Variants in RDX observed in about 807,000 individuals in gnomAD.
RDX encodes the protein radixin.
In RDX, 32 loss-of-function variants were observed where a neutral mutation model predicts 83.7. The ratio of observed to expected loss-of-function variants is 0.38; its 90% CI spans 0.29 to 0.51. The LOEUF (loss-of-function observed/expected upper bound fraction) is 0.51, where lower values mean the gene tolerates loss of function less well. Among genes scored for constraint, RDX ranks in the 20% least tolerant of loss-of-function variants. The pLI, the probability that RDX is intolerant of heterozygous loss-of-function variation, is 0.87. For synonymous variants in RDX, 229 were observed against 222.7 expected (o/e 1.03, Z -0.25); for missense variants, 600 against 689.9 (o/e 0.87, Z 1.46).
intron 14 of RDX, among the ~76,000 whole-genome samples, chr11:110,207,763 C>T (rs535830207): frequency 1.3e-5 from 2 of 152,284 alleles, no homozygotes; most frequent in East Asian, 3.9e-4. Context: ...ACTACAACAG[C>T]AGAGTTGTAT....
Position 110,290,633 on chromosome 11 carries a change from G to C in RDX, c.-65+5834C>G, listed in dbSNP as rs536087086. Reference sequence around the variant, plus strand: ...CATTCTCAAATGCAAAGAGTATGTGGCATATAATAACTGTCCAAATGTACG... The same window carrying C: ...CATTCTCAAATGCAAAGAGTATGTGCCATATAATAACTGTCCAAATGTACG... On this transcript the variant is annotated intron_variant, in intron 1 of 13. Coordinates refer to ENST00000645495, the MANE Select transcript of RDX (RefSeq NM_002906.4). Among the ~76,000 whole-genome samples, 3 of 152,278 alleles carry C rather than the reference G, an allele frequency of 2.0e-5. No individual in the cohort carries two copies. In the East Asian group the frequency reaches 5.8e-4, roughly 29 times the overall value.
At chr11:110,244,890 G>A (rs1420610682) in intron 10 of RDX, among the ~76,000 whole-genome samples, 1 of 152,036 alleles carries the variant, frequency 6.6e-6, no homozygotes, top group East Asian at 1.9e-4. Flanking sequence ...GGGCACTTAT[G>A]GGAGTAAATT....
At chr11:110,288,866 CTTTT>C (rs1211832635) in intron 1 of RDX, among the ~76,000 whole-genome samples, 1 of 152,046 alleles carries the variant, frequency 6.6e-6, no homozygotes, top group Non-Finnish European at 1.5e-5. Context: ...AGTTTCCTCT[CTTTT>C]TTTATGTTGT....
At chr11:110,261,432 G>A (rs185496808) in intron 5 of RDX, among the ~76,000 whole-genome samples, 1 of 152,018 alleles carries the variant, frequency 6.6e-6, no homozygotes. Flanking sequence ...TGCTCATCTG[G>A]GTTTTTCAAT....
chr11:110,195,794 T>C (rs561005117), intron 15 of RDX: 4 of 152,284 alleles, frequency 2.6e-5, no homozygotes, highest in Non-Finnish European at 4.4e-5. Context: ...AAGCTAGTCA[T>C]GCAGAAAAAA....
intron 14 of RDX, among the ~76,000 whole-genome samples, chr11:110,202,011 C>T (rs1230993633): frequency 2.6e-5 from 4 of 151,670 alleles, no homozygotes; most frequent in South Asian, 2.1e-4. Flanking sequence ...AAACTCCTGA[C>T]TTAGGTAATC....
At chr11:110,212,766 C>T (rs1434622283) in intron 14 of RDX, among the ~76,000 whole-genome samples, 16 of 137,720 alleles carry the variant, frequency 1.2e-4, no homozygotes, top group Non-Finnish European at 3.1e-5. Flanking sequence ...GCAGAAAAAG[C>T]CTTTGACAAA....
chr11:110,246,981 A>G (rs1396424621), intron 10 of RDX, among the ~76,000 whole-genome samples: 1 of 152,090 alleles, frequency 6.6e-6, no homozygotes, highest in African/African-American at 2.4e-5. Flanking sequence ...TACCCCTGAG[A>G]GCCTGCTGCT....
intron 15 of RDX, among the ~76,000 whole-genome samples, chr11:110,188,439 A>G (rs544957071): frequency 9.2e-5 from 14 of 152,260 alleles, no homozygotes; most frequent in South Asian, 4.1e-4. Flanking sequence ...GTTCTCACTT[A>G]TAAGTGGGAG....
At chr11:110,253,592 G>A (rs1859424371) in intron 9 of RDX, among the ~76,000 whole-genome samples, 1 of 152,090 alleles carries the variant, frequency 6.6e-6, no homozygotes, top group African/African-American at 2.4e-5. Flanking sequence ...CACTGACATT[G>A]TTTCAAAGTT....
At chr11:110,243,135 GCTTA>G (rs1281783637) in intron 10 of RDX, among the ~76,000 whole-genome samples, 7 of 152,064 alleles carry the variant, frequency 4.6e-5, no homozygotes, top group Admixed American at 3.9e-4. Context: ...CAAGGGGAAT[GCTTA>G]CTGACAGCAT....
intron 8 of RDX, among the ~76,000 whole-genome samples, chr11:110,254,871 A>C (rs1018232430): frequency 3.3e-5 from 5 of 152,214 alleles, no homozygotes; most frequent in African/African-American, 1.2e-4. Flanking sequence ...ATTTAAATAA[A>C]AAGATTTCTT....
intron 1 of RDX, among the ~76,000 whole-genome samples, chr11:110,281,024 G>C (rs1368782829): frequency 6.6e-6 from 1 of 151,922 alleles, no homozygotes; most frequent in Non-Finnish European, 1.5e-5. Flanking sequence ...AATTAGCCGG[G>C]CATGATGGCA....
chr11:110,225,319 A>G (rs563515749), downstream of RDX, among the ~76,000 whole-genome samples: 4 of 152,232 alleles, frequency 2.6e-5, no homozygotes, highest in South Asian at 8.3e-4. Flanking sequence ...TCACAATGGG[A>G]AAAAAGATTT....
intron 15 of RDX, among the ~76,000 whole-genome samples, chr11:110,176,946 G>A (rs1862786605): frequency 6.6e-6 from 1 of 152,166 alleles, no homozygotes; most frequent in Non-Finnish European, 1.5e-5. Context: ...ACAGTCGGCT[G>A]GCCTGCAGCC....
intron 14 of RDX, among the ~76,000 whole-genome samples, chr11:110,218,173 G>A (rs1864123369): frequency 1.3e-5 from 2 of 152,172 alleles, no homozygotes; most frequent in African/African-American, 4.8e-5. Flanking sequence ...AGCTGACAGA[G>A]GACACTGTTA....
At position 110,254,070 on chromosome 11, in the gene RDX, G is replaced by T. The variant is rs17854426; in HGVS notation, c.835C>A (p.Arg279=). 1 of 1,613,508 alleles carries T rather than the reference G, an allele frequency of 6.2e-7. No homozygotes were observed. Residue 279 remains arginine (R), a synonymous_variant, in exon 9 of 14, where the codon CGG becomes AGG. Coordinates refer to ENST00000645495, the MANE Select transcript of RDX (RefSeq NM_002906.4). ...FYAPRLRINK[R]ILALCMGNHE... ...TTTCCCATACATAAGGCCAAAATCC[G>T]CTTATTGATTCTCAGACGAGGTGCA...
At chr11:110,221,075 C>A (rs187578533) in intron 14 of RDX, among the ~76,000 whole-genome samples, 65 of 152,170 alleles carry the variant, frequency 4.3e-4, no homozygotes, top group African/African-American at 1.5e-3. Context: ...GCTAAAACAG[C>A]AATGGCAAGA....
At chr11:110,196,060 G>T (rs1863201460) in intron 15 of RDX, 1 of 152,192 alleles carries the variant, frequency 6.6e-6, no homozygotes, top group South Asian at 2.1e-4. Flanking sequence ...ATGGAATACT[G>T]GTCCATCCAG....
Sources: allele counts gnomAD v4.1 joint callset (sites outside exome capture counted in the v4.1 genomes callset), GRCh38; gene constraint gnomAD v4.1.1; transcripts MANE v1.5; gene names NCBI Gene and HGNC (gene_info 2026-07-23, HGNC 2026-07-21).